ZPBP: variants seen among roughly 807,000 people sequenced by gnomAD.
The protein encoded by ZPBP is zona pellucida binding protein.
ZPBP carries 26 observed loss-of-function variants against 44.8 expected under a neutral mutation model. That is an observed-to-expected ratio of 0.58 (90% CI 0.43 to 0.81). ZPBP has a LOEUF of 0.81. Ranked by LOEUF, ZPBP falls within the 30% of genes least tolerant of loss-of-function variation. ZPBP has a pLI of 0.00. For missense variants in ZPBP, 409 were observed against 434.0 expected, an observed-to-expected ratio of 0.94 and a Z score of 0.51; for synonymous variants, 174 against 153.2, an observed-to-expected ratio of 1.14 and a Z score of -1.00.
chr7:50,025,893 T>C (rs1047423646), intron 5 of ZPBP, among the ~76,000 whole-genome samples: 1 of 151,812 alleles, frequency 6.6e-6, no homozygotes, highest in Non-Finnish European at 1.5e-5. Context: ...ATTTCAAATA[T>C]AAGTGGTTTA....
chr7:49,858,672 T>C (rs889946859), intron 2 of ZPBP, among the ~76,000 whole-genome samples: 6 of 151,934 alleles, frequency 3.9e-5, no homozygotes, highest in Non-Finnish European at 5.9e-5. Flanking sequence ...ACCTGCGTTG[T>C]GCACATGTAC....
At chr7:49,906,480 C>T (rs1317408783) in intron 1 of ZPBP, among the ~76,000 whole-genome samples, 2 of 152,018 alleles carry the variant, frequency 1.3e-5, no homozygotes, top group African/African-American at 4.8e-5. Flanking sequence ...GGACTACAGG[C>T]ACCCGCCACC....
At chr7:49,937,966 C>T (rs1794682210) in intron 7 of ZPBP, among the ~76,000 whole-genome samples, 1 of 152,144 alleles carries the variant, frequency 6.6e-6, no homozygotes, top group South Asian at 2.1e-4. Context: ...GCACAGTTGA[C>T]AATAGGGTTG....
At chr7:49,898,467 T>C (rs923239726) in intron 2 of ZPBP, among the ~76,000 whole-genome samples, 4 of 152,138 alleles carry the variant, frequency 2.6e-5, no homozygotes, top group Non-Finnish European at 5.9e-5. Context: ...AATCCCTCAA[T>C]ATTTGTTTGT....
chr7:49,885,013 G>A (rs1416838599), intron 2 of ZPBP, among the ~76,000 whole-genome samples: 1 of 152,060 alleles, frequency 6.6e-6, no homozygotes, highest in Non-Finnish European at 1.5e-5. Context: ...TATAAGTGTT[G>A]TATGGCTAAA....
At chr7:50,019,570 T>C (rs1486531748) in intron 5 of ZPBP, among the ~76,000 whole-genome samples, 1 of 152,152 alleles carries the variant, frequency 6.6e-6, no homozygotes, top group African/African-American at 2.4e-5. Flanking sequence ...GTAAAATATG[T>C]CTGATGGACA....
intron 6 of ZPBP, among the ~76,000 whole-genome samples, chr7:50,009,092 C>T (rs1179107005): frequency 6.6e-6 from 1 of 151,780 alleles, no homozygotes; most frequent in African/African-American, 2.4e-5. Flanking sequence ...AAAAGATCAG[C>T]CAGGTGCGGT....
chr7:49,907,988 G>A, intron 1 of ZPBP, among the ~76,000 whole-genome samples: 1 of 152,106 alleles, frequency 6.6e-6, no homozygotes, highest in Non-Finnish European at 1.5e-5. Flanking sequence ...ACCTGGAAAG[G>A]GAAGGGGATT....
At chr7:49,948,465 A>T (rs1795196928) in intron 7 of ZPBP, among the ~76,000 whole-genome samples, 1 of 152,178 alleles carries the variant, frequency 6.6e-6, no homozygotes, top group Non-Finnish European at 1.5e-5. Flanking sequence ...AAATATTTGC[A>T]AATCACATGT....
chr7:49,992,487 T>G (rs1209031815), intron 6 of ZPBP, among the ~76,000 whole-genome samples: 1 of 152,058 alleles, frequency 6.6e-6, no homozygotes, highest in Non-Finnish European at 1.5e-5. Context: ...AGCAGCAGAT[T>G]AGACCTAAAT....
At chr7:49,910,185 T>G (rs985791019) in intron 1 of ZPBP, among the ~76,000 whole-genome samples, 11 of 152,222 alleles carry the variant, frequency 7.2e-5, no homozygotes, top group Non-Finnish European at 1.0e-4. Flanking sequence ...GGCAGCCATG[T>G]GCAGAGCTGG....
chr7:50,042,740 C>T (rs2128818769), intron 4 of ZPBP, among the ~76,000 whole-genome samples: 1 of 152,332 alleles, frequency 6.6e-6, no homozygotes, highest in East Asian at 1.9e-4. Flanking sequence ...AACATCAACA[C>T]TATGAAGAAA....
intron 6 of ZPBP, among the ~76,000 whole-genome samples, chr7:50,001,544 G>A (rs1798094830): frequency 6.6e-6 from 1 of 152,062 alleles, no homozygotes; most frequent in African/African-American, 2.4e-5. Flanking sequence ...TTCTGCCTCT[G>A]GCCAAGAATG....
At chr7:49,980,206 T>A (rs1255373479) in intron 7 of ZPBP, among the ~76,000 whole-genome samples, 1 of 116,804 alleles carries the variant, frequency 8.6e-6, no homozygotes, top group Non-Finnish European at 1.6e-5. Flanking sequence ...ATGTTATATG[T>A]TATATAATAT....
chr7:49,841,133 CTGTT>C, the ZPBP span, among the ~76,000 whole-genome samples: 2 of 152,146 alleles, frequency 1.3e-5, no homozygotes, highest in Non-Finnish European at 2.9e-5. Context: ...GCGAAGCTGT[CTGTT>C]CTGGCCCAGG....
At chr7:50,011,638 A>G (rs1435964573) in intron 6 of ZPBP, among the ~76,000 whole-genome samples, 4 of 152,236 alleles carry the variant, frequency 2.6e-5, no homozygotes, top group Non-Finnish European at 5.9e-5. Context: ...AAGGACTTAA[A>G]ATATACACAG....
intron 5 of ZPBP, among the ~76,000 whole-genome samples, chr7:50,029,295 G>A (rs1799485000): frequency 6.6e-6 from 1 of 152,098 alleles, no homozygotes; most frequent in South Asian, 2.1e-4. Flanking sequence ...AAAATATGAA[G>A]TATAAGGTTG....
Position 50,057,984 on chromosome 7 carries a change from C to T in ZPBP, c.487+5G>A. ...GGTTAAAACACAACTAACTTTACTT[C>T]TTACCATATATAGCATATTTTAGTT... On this transcript the variant is annotated splice_donor_5th_base_variant and intron_variant, in intron 4 of 7. Coordinates refer to ENST00000046087, the MANE Select transcript of ZPBP (RefSeq NM_007009.3). 2.5e-6 allele frequency: 4 copies of T among 1,607,074 alleles called. No homozygotes were observed. Among genetic ancestry groups the T allele is most frequent in the Non-Finnish European group, 3.4e-6 (4 of 1,175,826 alleles).
downstream of ZPBP, among the ~76,000 whole-genome samples, chr7:49,932,562 C>A (rs975455333): frequency 3.9e-5 from 6 of 152,220 alleles, no homozygotes; most frequent in Admixed American, 1.3e-4. Flanking sequence ...TAGGAAGTAA[C>A]TAACTTGCTT....
Sources: allele counts gnomAD v4.1 joint callset (sites outside exome capture counted in the v4.1 genomes callset), GRCh38; gene constraint gnomAD v4.1.1; transcripts MANE v1.5; gene names NCBI Gene and HGNC (gene_info 2026-07-23, HGNC 2026-07-21).